The following GRM8 variants were observed in gnomAD, a reference collection of about 807,000 sequenced individuals.
The protein encoded by GRM8 is glutamate metabotropic receptor 8.
GRM8 carries 47 observed loss-of-function variants against 87.2 expected under a neutral mutation model. The ratio of observed to expected loss-of-function variants is 0.54; its 90% CI spans 0.43 to 0.69. The LOEUF is 0.69. GRM8 is among the 30% of genes least tolerant of loss of function. GRM8 has a pLI of 0.00. For missense variants in GRM8, 1,019 were observed against 1,139.2 expected, an observed-to-expected ratio of 0.89 and a Z score of 1.52; for synonymous variants, 396 against 404.5, an observed-to-expected ratio of 0.98 and a Z score of 0.25.
intron 3 of GRM8, among the ~76,000 whole-genome samples, chr7:127,041,801 C>G (rs1162555894): frequency 1.3e-5 from 2 of 152,184 alleles, no homozygotes; most frequent in Non-Finnish European, 2.9e-5. Flanking sequence ...ACGATGGAAA[C>G]TAGCTTAGTG....
chr7:126,508,809 A>T (rs1810888905), intron 9 of GRM8, among the ~76,000 whole-genome samples: 1 of 152,068 alleles, frequency 6.6e-6, no homozygotes, highest in Non-Finnish European at 1.5e-5. Context: ...GTATATAAGG[A>T]AGAGTTTAGA....
At chr7:126,544,725 G>A (rs559881502) in intron 8 of GRM8, among the ~76,000 whole-genome samples, 1 of 152,056 alleles carries the variant, frequency 6.6e-6, no homozygotes, top group South Asian at 2.1e-4. Flanking sequence ...GGTCAGGCTG[G>A]TCTCAAACTC....
chr7:126,712,931 A>T (rs1014790889), intron 7 of GRM8, among the ~76,000 whole-genome samples: 1 of 152,184 alleles, frequency 6.6e-6, no homozygotes, highest in Non-Finnish European at 1.5e-5. Flanking sequence ...GTGATCATTA[A>T]AAAGTCAGGA....
chr7:126,453,948 C>T (rs1802932031), intron 9 of GRM8, among the ~76,000 whole-genome samples: 1 of 151,590 alleles, frequency 6.6e-6, no homozygotes, highest in South Asian at 2.1e-4. Flanking sequence ...TCATGTTTTC[C>T]TTCGTGGATT....
In GRM8 at chr7:127,242,854, T is replaced by G. The variant is rs371981259; in HGVS notation, c.351A>C (p.Leu117=). The G allele has an allele frequency of 2.4e-4, 392 of 1,614,056 alleles. 1 individual carries two copies. Among genetic ancestry groups the G allele is most frequent in the Non-Finnish European group, 3.2e-4 (375 of 1,180,036 alleles). Residue 117 remains leucine (L), a synonymous_variant, in exon 2 of 11, where the codon CTA becomes CTC. Coordinates refer to ENST00000339582, the MANE Select transcript of GRM8 (RefSeq NM_000845.3). ...TCTCTATTAATGCCTGCACGAATGT[T>G]AGAGACTGCTCCAAAGCATAGGTGT... The part of the protein sequence containing the change: ...SRDTYALEQS[L]TFVQALIEKD...
intron 3 of GRM8, among the ~76,000 whole-genome samples, chr7:127,032,509 C>A (rs1338401495): frequency 6.6e-6 from 1 of 152,148 alleles, no homozygotes; most frequent in Non-Finnish European, 1.5e-5. Flanking sequence ...TTCCAACCAT[C>A]TTTCTAGCAA....
chr7:127,180,475 G>A (rs969904705), intron 2 of GRM8, among the ~76,000 whole-genome samples: 1 of 151,900 alleles, frequency 6.6e-6, no homozygotes, highest in African/African-American at 2.4e-5. Context: ...AGAGAAAGAA[G>A]GACTCCTCCT....
chr7:127,158,307 C>A (rs541078124), intron 2 of GRM8, among the ~76,000 whole-genome samples: 9 of 152,214 alleles, frequency 5.9e-5, no homozygotes, highest in African/African-American at 2.2e-4. Context: ...GAAAGGCCAG[C>A]CACAAATTGT....
intron 1 of GRM8, among the ~76,000 whole-genome samples, chr7:127,247,180 A>T (rs1247359908): frequency 6.6e-6 from 1 of 152,156 alleles, no homozygotes; most frequent in Admixed American, 6.5e-5. Flanking sequence ...GGCTGAGAAG[A>T]TCCAATGCGG....
At chr7:126,949,679 C>T (rs17866333) in intron 3 of GRM8, among the ~76,000 whole-genome samples, 152 of 152,254 alleles carry the variant, frequency 1.0e-3, no homozygotes, top group African/African-American at 3.5e-3. Context: ...GAGAATAAAG[C>T]TAGATCTTTT....
chr7:127,109,975 G>A (rs978297147), intron 2 of GRM8, among the ~76,000 whole-genome samples: 14 of 152,024 alleles, frequency 9.2e-5, no homozygotes, highest in East Asian at 1.9e-4. Flanking sequence ...AGTTTGTCCC[G>A]GAGGCACTAG....
At chr7:127,097,230 C>T (rs952283818) in intron 3 of GRM8, among the ~76,000 whole-genome samples, 4 of 152,184 alleles carry the variant, frequency 2.6e-5, no homozygotes, top group Non-Finnish European at 5.9e-5. Context: ...ATACCCCAAA[C>T]TTGTCCTCAA....
intron 2 of GRM8, among the ~76,000 whole-genome samples, chr7:127,145,055 A>C (rs1401380259): frequency 6.6e-6 from 1 of 152,172 alleles, no homozygotes; most frequent in African/African-American, 2.4e-5. Context: ...TTTGTCAAAA[A>C]GTCAACATAT....
chr7:126,744,951 A>C (rs759779150), intron 7 of GRM8, among the ~76,000 whole-genome samples: 125 of 141,390 alleles, frequency 8.8e-4, no homozygotes, highest in Non-Finnish European at 1.6e-3. Context: ...TATGTTATTT[A>C]TTAACATGTA....
intron 3 of GRM8, among the ~76,000 whole-genome samples, chr7:126,957,480 G>T (rs1371371611): frequency 2.0e-5 from 3 of 152,112 alleles, no homozygotes; most frequent in African/African-American, 7.2e-5. Context: ...CTCTCTCAGG[G>T]GCATGGGAGT....
intron 8 of GRM8, among the ~76,000 whole-genome samples, chr7:126,596,498 T>C (rs925598395): frequency 6.6e-6 from 1 of 152,096 alleles, no homozygotes; most frequent in Non-Finnish European, 1.5e-5. Context: ...CACTTATTGA[T>C]GGGGTTGTAT....
At chr7:126,597,285 C>T (rs1053976595) in intron 8 of GRM8, among the ~76,000 whole-genome samples, 1 of 151,974 alleles carries the variant, frequency 6.6e-6, no homozygotes, top group Admixed American at 6.6e-5. Context: ...TTTTGTCTTG[C>T]TTTTATAAAT....
At chr7:126,731,189 T>G (rs1204985695) in intron 7 of GRM8, among the ~76,000 whole-genome samples, 1 of 152,088 alleles carries the variant, frequency 6.6e-6, no homozygotes, top group Non-Finnish European at 1.5e-5. Context: ...GCTATAATAT[T>G]GATTAATTAG....
At chr7:127,216,290 G>T (rs998896017) in intron 2 of GRM8, among the ~76,000 whole-genome samples, 6 of 151,748 alleles carry the variant, frequency 4.0e-5, no homozygotes, top group Non-Finnish European at 7.4e-5. Context: ...AGGCCGAGGC[G>T]GGAGGATCAC....
Sources: allele counts gnomAD v4.1 joint callset (sites outside exome capture counted in the v4.1 genomes callset), GRCh38; gene constraint gnomAD v4.1.1; transcripts MANE v1.5; gene names NCBI Gene and HGNC (gene_info 2026-07-23, HGNC 2026-07-21).